NAV3: variants seen among roughly 807,000 people sequenced by gnomAD.
NAV3 encodes the protein pore membrane and/or filament interacting like protein 1.
NAV3 carries 87 observed loss-of-function variants against 244.7 expected under a neutral mutation model. The ratio of observed to expected loss-of-function variants is 0.36; its 90% CI spans 0.30 to 0.42. The LOEUF is 0.42. Ranked by LOEUF, NAV3 falls within the 20% of genes least tolerant of loss-of-function variation. The pLI is 1.00. For missense variants in NAV3, 2,663 were observed against 2,893.3 expected (o/e 0.92, Z 1.83); for synonymous variants, 1,126 against 1,042.2 (o/e 1.08, Z -1.55).
intron 9 of NAV3, among the ~76,000 whole-genome samples, chr12:78,042,218 G>A (rs1471684007): frequency 6.6e-6 from 1 of 152,188 alleles, no homozygotes; most frequent in East Asian, 1.9e-4. Context: ...GCTTGGGGAA[G>A]TATTGTATGA....
At chr12:77,881,491 A>G (rs1254293928) in intron 1 of NAV3, among the ~76,000 whole-genome samples, 1 of 152,122 alleles carries the variant, frequency 6.6e-6, no homozygotes, top group Non-Finnish European at 1.5e-5. Context: ...ATACTTGGTT[A>G]AAAAGCTATT....
intron 1 of NAV3, among the ~76,000 whole-genome samples, chr12:77,861,899 T>A (rs557958216): frequency 6.6e-6 from 1 of 152,014 alleles, no homozygotes; most frequent in African/African-American, 2.4e-5. Flanking sequence ...AAAATCAATG[T>A]GAATACATAT....
At chr12:78,133,642 A>G (rs911735656) in intron 18 of NAV3, among the ~76,000 whole-genome samples, 1 of 152,084 alleles carries the variant, frequency 6.6e-6, no homozygotes, top group Non-Finnish European at 1.5e-5. Context: ...AGATCACTAC[A>G]ATATGTCATA....
chr12:77,940,469 G>T, intron 2 of NAV3, 33 bp downstream of exon 2: 1 of 1,536,410 alleles, frequency 6.5e-7, no homozygotes, highest in Non-Finnish European at 9.0e-7. Flanking sequence ...AAGCATGAAA[G>T]TCTCTGCTCC....
intron 1 of NAV3, among the ~76,000 whole-genome samples, chr12:77,872,928 C>G (rs976642587): frequency 2.0e-5 from 3 of 152,220 alleles, no homozygotes; most frequent in Non-Finnish European, 2.9e-5. Context: ...ACCCAAATCT[C>G]ATCTTGATTG....
At chr12:77,924,789 A>C (rs1433802794) in intron 1 of NAV3, among the ~76,000 whole-genome samples, 1 of 152,116 alleles carries the variant, frequency 6.6e-6, no homozygotes, top group Non-Finnish European at 1.5e-5. Context: ...TTGTTTGGGG[A>C]GAATATGTTT....
intron 1 of NAV3, among the ~76,000 whole-genome samples, chr12:77,920,484 T>G (rs1887602928): frequency 6.6e-6 from 1 of 152,016 alleles, no homozygotes; most frequent in Non-Finnish European, 1.5e-5. Context: ...CTATCTGACC[T>G]TTTTACTTAT....
At chr12:77,656,718 C>G (rs1192858342) in intron 2 of NAV3, among the ~76,000 whole-genome samples, 1 of 148,886 alleles carries the variant, frequency 6.7e-6, no homozygotes, top group Non-Finnish European at 1.5e-5. Flanking sequence ...GTAAAGCTCT[C>G]CTCAGCAAAT....
chr12:77,732,436 T>C (rs990058917), intron 2 of NAV3, among the ~76,000 whole-genome samples: 2 of 151,966 alleles, frequency 1.3e-5, no homozygotes, highest in African/African-American at 4.8e-5. Context: ...TTCCAAGCTA[T>C]AGGACATCAG....
At chr12:78,102,532 T>C (rs1954587149) in intron 12 of NAV3, among the ~76,000 whole-genome samples, 2 of 152,218 alleles carry the variant, frequency 1.3e-5, no homozygotes, top group Admixed American at 1.3e-4. Flanking sequence ...TGGAGGATGA[T>C]GGCCCTCTTC....
chr12:78,057,207 A>T lies in NAV3; in HGVS notation c.2517-1789A>T, dbSNP rs183226563. Among the ~76,000 whole-genome samples, 4 of 152,338 alleles carry T rather than the reference A, an allele frequency of 2.6e-5. No homozygotes were observed. In the East Asian group the frequency reaches 7.7e-4, roughly 29 times the overall value. On this transcript the variant is annotated intron_variant, in intron 11 of 39. Coordinates refer to ENST00000397909, the MANE Select transcript of NAV3 (RefSeq NM_001024383.2). The stretch of plus-strand genomic sequence containing the variant: ...ACATATTTTAATTGAGTGGAAATTG[A>T]AGTTATCTTCAGGTGTCACAGTAAT...
intron 12 of NAV3, among the ~76,000 whole-genome samples, chr12:78,097,654 T>A (rs1052985599): frequency 2.5e-4 from 38 of 152,180 alleles, no homozygotes; most frequent in African/African-American, 9.2e-4. Context: ...AATACTTTTG[T>A]AATTTTGTTT....
chr12:77,808,428 C>A (rs1315092880), intron 2 of NAV3, among the ~76,000 whole-genome samples: 2 of 152,184 alleles, frequency 1.3e-5, no homozygotes, highest in Admixed American at 6.5e-5. Context: ...TGCTAACAGG[C>A]CCCTCTGCTG....
chr12:77,746,468 T>C (rs1592642382), intron 2 of NAV3, among the ~76,000 whole-genome samples: 1 of 152,224 alleles, frequency 6.6e-6, no homozygotes, highest in East Asian at 1.9e-4. Context: ...TCAATCTACC[T>C]ACAAGTACAT....
chr12:78,104,041 A>C (rs548296778), intron 12 of NAV3, among the ~76,000 whole-genome samples: 2 of 152,220 alleles, frequency 1.3e-5, no homozygotes, highest in African/African-American at 4.8e-5. Flanking sequence ...CAGTATTCTT[A>C]TGATTGTAGT....
At chr12:77,615,640 T>C (rs1871118423) in intron 2 of NAV3, among the ~76,000 whole-genome samples, 1 of 152,190 alleles carries the variant, frequency 6.6e-6, no homozygotes, top group African/African-American at 2.4e-5. Context: ...TCTTTATTGA[T>C]TCCATTATTC....
intron 1 of NAV3, among the ~76,000 whole-genome samples, chr12:77,860,762 G>A (rs1479791502): frequency 2.0e-5 from 3 of 151,818 alleles, no homozygotes; most frequent in African/African-American, 7.2e-5. Flanking sequence ...AAAGCCAAAT[G>A]GGCAGGGTTG....
At chr12:77,768,293 C>T (rs1488667032) in intron 2 of NAV3, among the ~76,000 whole-genome samples, 1 of 152,172 alleles carries the variant, frequency 6.6e-6, no homozygotes, top group African/African-American at 2.4e-5. Context: ...TCAGGCTGTC[C>T]CTGGCTTGAA....
rs936577509 is a variant in NAV3, at chr12:77,872,368, T to G, written c.243+40664T>G. Among the ~76,000 whole-genome samples the G allele has an allele frequency of 3.9e-5, 6 of 152,226 alleles. No homozygotes were observed. In the East Asian group the frequency reaches 1.2e-3, roughly 29 times the overall value. ...CGGAAAAAAAAACATTAATGTCATC[T>G]AACTCCACTTGAAGTGCTATGCTTC... On this transcript the variant is annotated intron_variant, in intron 1 of 39. Coordinates refer to ENST00000397909, the MANE Select transcript of NAV3 (RefSeq NM_001024383.2).
Sources: gnomAD v4.1 joint callset for allele counts (sites outside exome capture counted in the v4.1 genomes callset) on GRCh38, gnomAD v4.1.1 for gene constraint, MANE v1.5 for transcripts, NCBI Gene and HGNC (gene_info 2026-07-23, HGNC 2026-07-21) for gene names.